The following NDST3 variants were observed in gnomAD, a reference collection of about 807,000 sequenced individuals.
The protein encoded by NDST3 is bifunctional heparan sulfate N-deacetylase/N-sulfotransferase 3.
NDST3 carries 58 observed loss-of-function variants against 96.1 expected under a neutral mutation model. The observed-to-expected ratio is 0.60, with a 90% CI of 0.49 to 0.75. The LOEUF is 0.75. NDST3 is among the 30% of genes least tolerant of loss of function. The pLI is 0.00. For synonymous variants in NDST3, 333 were observed against 359.7 expected, an observed-to-expected ratio of 0.93 and a Z score of 0.84; for missense variants, 788 against 1,034.2, an observed-to-expected ratio of 0.76 and a Z score of 3.27.
At chr4:118,083,864 A>G (rs1042464950) in intron 2 of NDST3, among the ~76,000 whole-genome samples, 1 of 152,144 alleles carries the variant, frequency 6.6e-6, no homozygotes, top group Non-Finnish European at 1.5e-5. Flanking sequence ...GTGCCTTTAC[A>G]ATTTTTAACC....
intron 8 of NDST3, among the ~76,000 whole-genome samples, chr4:118,230,662 A>G (rs1560733613): frequency 6.6e-6 from 1 of 152,200 alleles, no homozygotes; most frequent in African/African-American, 2.4e-5. Flanking sequence ...CTATGTTTTA[A>G]CAAGCCCCCA....
At chr4:118,204,053 T>C (rs537061841) in intron 6 of NDST3, among the ~76,000 whole-genome samples, 2 of 152,248 alleles carry the variant, frequency 1.3e-5, no homozygotes, top group South Asian at 4.1e-4. Context: ...CCCAATTCAG[T>C]TTTTTTGTGA....
rs1730484673 is a variant in NDST3, at chr4:118,109,675, A to T, written c.1069+4570A>T. ...ACCAGTTAAATCATTTTTTAGAGGGAAAAGATACAAAATTTAATATTTGAT... is the reference window on the plus strand; with the variant it reads ...ACCAGTTAAATCATTTTTTAGAGGGTAAAGATACAAAATTTAATATTTGAT... On this transcript the variant is annotated intron_variant, in intron 3 of 13. Coordinates refer to ENST00000296499, the MANE Select transcript of NDST3 (RefSeq NM_004784.3). Among the ~76,000 whole-genome samples the T allele has an allele frequency of 2.6e-5, 4 of 152,212 alleles. No homozygotes were observed. The South Asian group carries it at 8.3e-4, about 31-fold the overall frequency.
At chr4:118,039,081 T>TAAATAATTAATGGTTA (rs1377650599) in intron 1 of NDST3, among the ~76,000 whole-genome samples, 1 of 152,222 alleles carries the variant, frequency 6.6e-6, no homozygotes, top group East Asian at 1.9e-4. Context: ...TTGTTAATGG[T>TAAATAATTAATGGTTA]AAATAATTAA....
intron 6 of NDST3, among the ~76,000 whole-genome samples, chr4:118,148,850 A>G (rs1734157356): frequency 6.6e-6 from 1 of 152,218 alleles, no homozygotes; most frequent in South Asian, 2.1e-4. Flanking sequence ...AAAAATAAAT[A>G]AATGATAATA....
At chr4:118,134,110 C>T (rs1482514986) in intron 4 of NDST3, among the ~76,000 whole-genome samples, 2 of 152,136 alleles carry the variant, frequency 1.3e-5, no homozygotes, top group Non-Finnish European at 2.9e-5. Context: ...GAATAAATTA[C>T]CTTCAGATTT....
chr4:118,154,873 G>A (rs183899309), intron 6 of NDST3, among the ~76,000 whole-genome samples: 52 of 152,204 alleles, frequency 3.4e-4, no homozygotes, highest in Middle Eastern at 3.4e-3. Flanking sequence ...CAGTGACCTG[G>A]TACTGGGAAA....
intron 6 of NDST3, among the ~76,000 whole-genome samples, chr4:118,156,786 T>C (rs141689656): frequency 3.3e-5 from 5 of 152,338 alleles, no homozygotes; most frequent in Non-Finnish European, 7.4e-5. Context: ...ATTCAAATGA[T>C]TGCTAAGATA....
chr4:118,230,586 A>G (rs1413083051), intron 8 of NDST3, among the ~76,000 whole-genome samples: 8 of 152,074 alleles, frequency 5.3e-5, no homozygotes, highest in Non-Finnish European at 4.4e-5. Flanking sequence ...AAAAAAAAAA[A>G]AAGAAGTGAA....
intron 6 of NDST3, among the ~76,000 whole-genome samples, chr4:118,179,363 A>T (rs773335181): frequency 6.6e-6 from 1 of 152,082 alleles, no homozygotes; most frequent in Non-Finnish European, 1.5e-5. Context: ...TATAAATCAG[A>T]TATGAATAGT....
At chr4:118,224,388 T>G in intron 6 of NDST3, 103 bp from the exon 7 acceptor site, 1 of 998,250 alleles carries the variant, frequency 1.0e-6, no homozygotes, top group Non-Finnish European at 1.4e-6. Flanking sequence ...ACTGAAACCC[T>G]GTGCAGACTA....
chr4:118,097,123 G>A (rs1355389108), intron 2 of NDST3, among the ~76,000 whole-genome samples: 1 of 151,906 alleles, frequency 6.6e-6, no homozygotes, highest in Non-Finnish European at 1.5e-5. Flanking sequence ...CATCCTCACA[G>A]ACACACCCAT....
intron 11 of NDST3, among the ~76,000 whole-genome samples, chr4:118,240,933 C>T (rs1740968447): frequency 6.6e-6 from 1 of 152,134 alleles, no homozygotes; most frequent in Non-Finnish European, 1.5e-5. Flanking sequence ...TTGTAAAAAG[C>T]TTTGAAAGCT....
intron 6 of NDST3, among the ~76,000 whole-genome samples, chr4:118,158,499 A>C (rs527630735): frequency 6.6e-6 from 1 of 152,378 alleles, no homozygotes; most frequent in Non-Finnish European, 1.5e-5. Context: ...CACCAGTGCC[A>C]GCTGATGAAT....
intron 10 of NDST3, among the ~76,000 whole-genome samples, chr4:118,238,156 AAAGAAAGAAAGAAAGAAAGAAAGAAAG>A (rs1421868408): frequency 3.5e-4 from 2 of 5,678 alleles, no homozygotes; most frequent in East Asian, 9.7e-3. Context: ...AAAAGAAAGA[AAAGAAAGAAAGAAAGAAAGAAAGAAAG>A]AAAGAAAGAA....
intron 2 of NDST3, among the ~76,000 whole-genome samples, chr4:118,096,955 C>T (rs1395415889): frequency 6.6e-6 from 1 of 151,886 alleles, no homozygotes; most frequent in African/African-American, 2.4e-5. Flanking sequence ...AATGTTCCAG[C>T]TCAAGGCAGT....
intron 3 of NDST3, among the ~76,000 whole-genome samples, chr4:118,112,122 A>T (rs921661048): frequency 4.0e-5 from 6 of 151,528 alleles, no homozygotes; most frequent in Non-Finnish European, 5.9e-5. Flanking sequence ...ACTGAGATAA[A>T]TATGTCAGAA....
intron 1 of NDST3, among the ~76,000 whole-genome samples, chr4:118,039,508 A>C (rs1259866338): frequency 6.6e-6 from 1 of 152,254 alleles, no homozygotes; most frequent in African/African-American, 2.4e-5. Flanking sequence ...GTACTTACAG[A>C]TGCTTCCAAG....
At chr4:118,107,458 T>C (rs1730290453) in intron 3 of NDST3, among the ~76,000 whole-genome samples, 1 of 152,120 alleles carries the variant, frequency 6.6e-6, no homozygotes, top group Non-Finnish European at 1.5e-5. Flanking sequence ...TAAAAAGAGA[T>C]AATTTTAAAT....
Sources: allele counts gnomAD v4.1 joint callset (sites outside exome capture counted in the v4.1 genomes callset), GRCh38; gene constraint gnomAD v4.1.1; transcripts MANE v1.5; gene names NCBI Gene and HGNC (gene_info 2026-07-23, HGNC 2026-07-21).